The following CNTNAP5 variants were observed in gnomAD, a reference collection of about 807,000 sequenced individuals.
CNTNAP5 encodes the protein contactin-associated protein-like 5.
A neutral mutation model predicts 150.2 loss-of-function variants in CNTNAP5; 72 were observed. The observed-to-expected ratio is 0.48, with a 90% CI of 0.40 to 0.58. CNTNAP5 has a LOEUF of 0.58. CNTNAP5 is among the 20% of genes least tolerant of loss of function. The pLI is 0.00. For missense variants in CNTNAP5, 1,636 were observed against 1,626.2 expected (o/e 1.01, Z -0.10); for synonymous variants, 672 against 619.8 (o/e 1.08, Z -1.25).
intron 1 of CNTNAP5, among the ~76,000 whole-genome samples, chr2:124,034,931 T>G (rs1398598916): frequency 6.6e-6 from 1 of 152,108 alleles, no homozygotes; most frequent in African/African-American, 2.4e-5. Context: ...CTGTTGATTT[T>G]GGGTTAAAAA....
At position 124,721,690 on chromosome 2, in the gene CNTNAP5, G is replaced by A. The variant is rs569705463; in HGVS notation, c.2078-25539G>A. ...TACTACTTTTCCCCTTAATAATTAA[G>A]GGAAAGTATGGTTTTCCTTCAAAGT... is the stretch of plus-strand genomic sequence containing the variant. On this transcript the variant is annotated intron_variant, in intron 13 of 23. Transcript: ENST00000682447. Among the ~76,000 whole-genome samples, 11 of 152,040 alleles carry A rather than the reference G, an allele frequency of 7.2e-5. No homozygotes were observed. The East Asian group carries it at 1.7e-3, about 24-fold the overall frequency.
At chr2:124,839,424 ACACTCT>A (rs374742558) in intron 19 of CNTNAP5, among the ~76,000 whole-genome samples, 9 of 144,764 alleles carry the variant, frequency 6.2e-5, no homozygotes, top group Middle Eastern at 3.6e-3. Flanking sequence ...AAAATGACAC[ACACTCT>A]CTCTCTCTCT....
chr2:124,663,262 G>T (rs191242618), intron 13 of CNTNAP5, among the ~76,000 whole-genome samples: 47 of 152,236 alleles, frequency 3.1e-4, no homozygotes, highest in African/African-American at 1.1e-3. Context: ...CTGCCCAGAC[G>T]CCAGTTAGAC....
At chr2:124,033,952 G>T (rs1573705384) in intron 1 of CNTNAP5, among the ~76,000 whole-genome samples, 1 of 152,118 alleles carries the variant, frequency 6.6e-6, no homozygotes, top group African/African-American at 2.4e-5. Flanking sequence ...GATAGTACTG[G>T]GTATCTGGAA....
intron 3 of CNTNAP5, among the ~76,000 whole-genome samples, chr2:124,354,131 C>CA (rs926816469): frequency 2.0e-5 from 3 of 151,832 alleles, no homozygotes; most frequent in Admixed American, 2.0e-4. Flanking sequence ...AGAACAAAAA[C>CA]AAAAAACATG....
chr2:124,618,292 G>A (rs1446460376), intron 12 of CNTNAP5, among the ~76,000 whole-genome samples: 1 of 152,108 alleles, frequency 6.6e-6, no homozygotes, highest in Non-Finnish European at 1.5e-5. Flanking sequence ...AACAGACTAA[G>A]AGGTAGCAAC....
At chr2:124,329,180 G>T (rs900369366) in intron 3 of CNTNAP5, among the ~76,000 whole-genome samples, 1 of 152,166 alleles carries the variant, frequency 6.6e-6, no homozygotes, top group Non-Finnish European at 1.5e-5. Context: ...GAGGAAGTGG[G>T]AAGTGAAACT....
In CNTNAP5 at chr2:124,629,936, C is replaced by CAAAAA. The variant is rs70996084; in HGVS notation, c.1877-17807_1877-17803dup. 4.0e-4 allele frequency among the ~76,000 whole-genome samples: 27 copies of CAAAAA among 67,764 alleles called. 4 individuals carry two copies. The highest frequency in any genetic ancestry group is 5.0e-4 in the Non-Finnish European group (16 of 31,740). The allele number at this position is 67,764 out of a possible 152,430, so 44.5% of individuals were successfully genotyped here. ...AGAGAATACTATAAACACCTCTATG[C>CAAAAA]AAAAAAAAAAAAAAAAAAACTGGAA... On this transcript the variant is annotated intron_variant, in intron 12 of 23. Coordinates refer to ENST00000682447, the MANE Select transcript of CNTNAP5 (RefSeq NM_001367498.1).
chr2:124,046,669 GT>G (rs1363781862), intron 1 of CNTNAP5, among the ~76,000 whole-genome samples: 1 of 151,928 alleles, frequency 6.6e-6, no homozygotes, highest in Non-Finnish European at 1.5e-5. Context: ...AGACGATTGG[GT>G]TTTTAATGCT....
At chr2:124,256,203 ATATAT>A (rs1418663797) in intron 3 of CNTNAP5, among the ~76,000 whole-genome samples, 1 of 152,154 alleles carries the variant, frequency 6.6e-6, no homozygotes, top group Non-Finnish European at 1.5e-5. Flanking sequence ...CGTTCGGATA[ATATAT>A]TATATTGTCA....
At chr2:124,656,641 A>G (rs2105039044) in intron 13 of CNTNAP5, among the ~76,000 whole-genome samples, 1 of 152,330 alleles carries the variant, frequency 6.6e-6, no homozygotes, top group African/African-American at 2.4e-5. Context: ...TGTAAAGTCA[A>G]CAGATGGTAT....
chr2:124,526,861 G>A (rs550285754), intron 9 of CNTNAP5, among the ~76,000 whole-genome samples: 88 of 152,238 alleles, frequency 5.8e-4, no homozygotes, highest in African/African-American at 1.9e-3. Flanking sequence ...TACCCAGAGC[G>A]TAATTTTCTT....
chr2:124,907,103 A>G (rs1273806065), intron 22 of CNTNAP5, among the ~76,000 whole-genome samples: 1 of 152,150 alleles, frequency 6.6e-6, no homozygotes, highest in Non-Finnish European at 1.5e-5. Flanking sequence ...TTTGGGTTGT[A>G]TGGAACCAAG....
At chr2:124,402,985 T>A (rs1691468823) in intron 3 of CNTNAP5, among the ~76,000 whole-genome samples, 1 of 152,230 alleles carries the variant, frequency 6.6e-6, no homozygotes, top group Admixed American at 6.5e-5. Flanking sequence ...TGAATGGGTT[T>A]GTCAATTTTA....
Position 124,784,236 on chromosome 2 carries a change from G to T in CNTNAP5, c.2753-5666G>T, listed in dbSNP as rs367621562. 1.2e-4 allele frequency among the ~76,000 whole-genome samples: 19 copies of T among 152,306 alleles called. No homozygotes were observed. The South Asian group carries it at 3.5e-3, about 28-fold the overall frequency. ...TTATGAAATAAGAGCCTGACCTGAT[G>T]CAGTCTGTGTTTTTCCAGGGGCTTC... On this transcript the variant is annotated intron_variant, in intron 17 of 23. Coordinates refer to ENST00000682447, the MANE Select transcript of CNTNAP5 (RefSeq NM_001367498.1).
At chr2:124,132,831 T>A (rs2104604715) in intron 1 of CNTNAP5, among the ~76,000 whole-genome samples, 1 of 152,252 alleles carries the variant, frequency 6.6e-6, no homozygotes, top group South Asian at 2.1e-4. Context: ...GCATGTTCAA[T>A]ACTGTTCAAT....
intron 1 of CNTNAP5, among the ~76,000 whole-genome samples, chr2:124,213,376 C>T (rs756155650): frequency 3.9e-5 from 6 of 151,996 alleles, no homozygotes; most frequent in African/African-American, 9.7e-5. Context: ...AGAATCAAAT[C>T]GTGAGAAAGA....
At chr2:124,903,495 A>G (rs1359622820) in intron 22 of CNTNAP5, among the ~76,000 whole-genome samples, 2 of 152,192 alleles carry the variant, frequency 1.3e-5, no homozygotes, top group Non-Finnish European at 2.9e-5. Context: ...TGATTAAAAT[A>G]AACCTTTTTT....
At chr2:124,301,719 G>A (rs1331910073) in intron 3 of CNTNAP5, among the ~76,000 whole-genome samples, 1 of 152,122 alleles carries the variant, frequency 6.6e-6, no homozygotes, top group Non-Finnish European at 1.5e-5. Flanking sequence ...TACTCCTGAT[G>A]CAACAGCAAC....
Sources: allele counts gnomAD v4.1 joint callset (sites outside exome capture counted in the v4.1 genomes callset), GRCh38; gene constraint gnomAD v4.1.1; transcripts MANE v1.5; gene names NCBI Gene and HGNC (gene_info 2026-07-23, HGNC 2026-07-21).